GPC6: variants seen among roughly 807,000 people sequenced by gnomAD.
GPC6 encodes glypican-6.
GPC6 carries 14 observed loss-of-function variants against 55.2 expected under a neutral mutation model. That is an observed-to-expected ratio of 0.25 (90% confidence interval 0.17 to 0.40). The LOEUF is 0.40. GPC6 is among the 10% of genes least tolerant of loss of function. The probability of loss-of-function intolerance (pLI) is 1.00; values close to 1 mark genes in which losing one functional copy is unlikely to be tolerated. For synonymous variants in GPC6, 278 were observed against 259.6 expected (o/e 1.07, Z -0.68); for missense variants, 641 against 708.5 (o/e 0.90, Z 1.08).
At chr13:93,487,613 G>T (rs1879777214) in intron 1 of GPC6, among the ~76,000 whole-genome samples, 1 of 152,178 alleles carries the variant, frequency 6.6e-6, no homozygotes, top group Non-Finnish European at 1.5e-5. Context: ...GGTTGATCAT[G>T]TATCTTCCCT....
intron 3 of GPC6, among the ~76,000 whole-genome samples, chr13:94,012,502 C>T (rs1040218030): frequency 2.6e-4 from 40 of 152,150 alleles, no homozygotes; most frequent in African/African-American, 8.2e-4. Context: ...CATAGAGTGG[C>T]GATTGATTAA....
intron 2 of GPC6, among the ~76,000 whole-genome samples, chr13:93,647,899 G>A (rs930544472): frequency 2.0e-5 from 3 of 152,002 alleles, no homozygotes; most frequent in Non-Finnish European, 2.9e-5. Flanking sequence ...TCTTGAATCC[G>A]ACACCCTTCC....
chr13:93,407,279 G>A (rs947443989), intron 1 of GPC6, among the ~76,000 whole-genome samples: 36 of 151,916 alleles, frequency 2.4e-4, no homozygotes, highest in Non-Finnish European at 4.3e-4. Context: ...GAGAGAGAGA[G>A]AAAAAAGCAA....
intron 2 of GPC6, among the ~76,000 whole-genome samples, chr13:93,649,441 C>A (rs1044826569): frequency 1.3e-5 from 2 of 152,246 alleles, no homozygotes; most frequent in South Asian, 4.1e-4. Context: ...CAGAGTGAGA[C>A]CCGATCTCAG....
intron 4 of GPC6, among the ~76,000 whole-genome samples, chr13:94,150,829 T>TATATATATATA (rs1304231925): frequency 1.4e-5 from 2 of 146,544 alleles, no homozygotes; most frequent in African/African-American, 5.1e-5. Context: ...TATATATATA[T>TATATATATATA]ATGTTTATTG....
At chr13:93,504,964 C>T (rs1468423065) in intron 1 of GPC6, among the ~76,000 whole-genome samples, 6 of 152,142 alleles carry the variant, frequency 3.9e-5, no homozygotes, top group African/African-American at 1.2e-4. Context: ...CAAATCTGTA[C>T]CTCTTTGAGT....
chr13:94,219,714 A>T (rs1045199989), intron 4 of GPC6, among the ~76,000 whole-genome samples: 1 of 152,116 alleles, frequency 6.6e-6, no homozygotes. Context: ...GCAGACACAA[A>T]TCTGCCTCCC....
chr13:93,731,007 T>C (rs1377284367), intron 2 of GPC6, among the ~76,000 whole-genome samples: 1 of 152,126 alleles, frequency 6.6e-6, no homozygotes. Context: ...AGGACAAAAA[T>C]GAAAGCTAGA....
intron 4 of GPC6, among the ~76,000 whole-genome samples, chr13:94,087,139 T>C (rs1885312649): frequency 6.6e-6 from 1 of 152,254 alleles, no homozygotes; most frequent in African/African-American, 2.4e-5. Flanking sequence ...TTCATAGATT[T>C]AAATGGGATA....
chr13:94,177,550 A>C lies in GPC6; in HGVS notation c.878-108799A>C, dbSNP rs190703977. Among the ~76,000 whole-genome samples the C allele has an allele frequency of 1.2e-3, 176 of 152,294 alleles. 1 individual carries two copies. Among genetic ancestry groups the C allele is most frequent in the African/African-American group, 4.1e-3 (169 of 41,572 alleles). On this transcript the variant is annotated intron_variant, in intron 4 of 8. Transcript: ENST00000377047. The stretch of plus-strand genomic sequence containing the variant: ...GTAATGTTAAACTTACTAAAAAAAA[A>C]CAAGATATATCAATTGTCACCAATC...
intron 2 of GPC6, among the ~76,000 whole-genome samples, chr13:93,799,741 G>T (rs1235666289): frequency 1.3e-5 from 2 of 152,156 alleles, no homozygotes; most frequent in African/African-American, 4.8e-5. Context: ...TGTATGGAAA[G>T]CATGTTACAT....
intron 4 of GPC6, among the ~76,000 whole-genome samples, chr13:94,258,276 G>A (rs1388202203): frequency 5.3e-5 from 8 of 152,110 alleles, no homozygotes; most frequent in Non-Finnish European, 8.8e-5. Flanking sequence ...AACTCCCCGG[G>A]GCCGACAAAC....
intron 1 of GPC6, among the ~76,000 whole-genome samples, chr13:93,336,353 A>T (rs992133670): frequency 2.0e-5 from 3 of 152,336 alleles, no homozygotes; most frequent in African/African-American, 7.2e-5. Context: ...GGTTCCCCTT[A>T]TATAATAATA....
At chr13:93,276,421 C>A (rs7324873) in intron 1 of GPC6, among the ~76,000 whole-genome samples, 12,066 of 150,980 alleles carry the variant, frequency 0.08, 1,594 homozygotes, top group African/African-American at 0.28. Flanking sequence ...TAGTCAGGAG[C>A]ACACAACTTA....
chr13:93,526,874 A>C (rs755311099), intron 1 of GPC6, among the ~76,000 whole-genome samples: 1 of 152,088 alleles, frequency 6.6e-6, no homozygotes, highest in South Asian at 2.1e-4. Flanking sequence ...GCAGGGATAC[A>C]TGTGGCTTCC....
chr13:93,988,501 T>C (rs887865132), intron 3 of GPC6, among the ~76,000 whole-genome samples: 8 of 152,346 alleles, frequency 5.3e-5, no homozygotes, highest in South Asian at 4.1e-4. Flanking sequence ...GATAGCAAAG[T>C]AGCCTAAACA....
intron 3 of GPC6, among the ~76,000 whole-genome samples, chr13:93,931,581 T>C (rs1878178216): frequency 6.6e-6 from 1 of 151,798 alleles, no homozygotes; most frequent in African/African-American, 2.4e-5. Flanking sequence ...CTGACCAACA[T>C]GGCGAAACCC....
chr13:93,711,145 A>G (rs1883042690), intron 2 of GPC6, among the ~76,000 whole-genome samples: 1 of 151,802 alleles, frequency 6.6e-6, no homozygotes, highest in Non-Finnish European at 1.5e-5. Context: ...AGTTCAGGTG[A>G]CAAAATGGTA....
chr13:94,369,248 G>A (rs1167119770), intron 6 of GPC6, among the ~76,000 whole-genome samples: 1 of 152,198 alleles, frequency 6.6e-6, no homozygotes, highest in Non-Finnish European at 1.5e-5. Flanking sequence ...TGGGCCAGAT[G>A]CACACAACAG....
Sources: allele counts gnomAD v4.1 joint callset (sites outside exome capture counted in the v4.1 genomes callset), GRCh38; gene constraint gnomAD v4.1.1; transcripts MANE v1.5; gene names NCBI Gene and HGNC (gene_info 2026-07-23, HGNC 2026-07-21).